Variants in CTNND2 observed in about 807,000 individuals in gnomAD.
CTNND2 encodes catenin delta-2.
CTNND2 carries 22 observed loss-of-function variants against 144.4 expected under a neutral mutation model. The observed-to-expected ratio is 0.15, with a 90% CI of 0.11 to 0.22. The LOEUF is 0.22. Among genes scored for constraint, CTNND2 ranks in the 10% least tolerant of loss-of-function variants. CTNND2 has a pLI of 1.00. For missense variants in CTNND2, 1,353 were observed against 1,618.8 expected (o/e 0.84, Z 2.82); for synonymous variants, 751 against 695.6 (o/e 1.08, Z -1.25).
chr5:11,305,047 G>A (rs190490868), intron 9 of CTNND2, among the ~76,000 whole-genome samples: 9 of 152,306 alleles, frequency 5.9e-5, no homozygotes, highest in African/African-American at 1.2e-4. Context: ...TGGTCACTGC[G>A]CTTGCATCTC....
intron 9 of CTNND2, among the ~76,000 whole-genome samples, chr5:11,330,739 C>A (rs1008791415): frequency 6.7e-6 from 1 of 148,446 alleles, no homozygotes. Flanking sequence ...GCCAAGATAG[C>A]ACCACTGAAC....
At chr5:11,887,959 A>AT (rs1177188136) in intron 1 of CTNND2, among the ~76,000 whole-genome samples, 16 of 152,202 alleles carry the variant, frequency 1.1e-4, no homozygotes, top group Non-Finnish European at 2.1e-4. Flanking sequence ...TATAAAGTAG[A>AT]TTTTTTTAAT....
intron 15 of CTNND2, among the ~76,000 whole-genome samples, chr5:11,096,106 T>C (rs1010282352): frequency 1.3e-5 from 2 of 152,120 alleles, no homozygotes. Flanking sequence ...TAATCTTTTA[T>C]TCTGTAATCT....
intron 2 of CTNND2, among the ~76,000 whole-genome samples, chr5:11,718,367 C>G (rs541023853): frequency 2.0e-5 from 3 of 152,178 alleles, no homozygotes; most frequent in African/African-American, 7.2e-5. Flanking sequence ...ACTTCATGTT[C>G]TACTGGTCAT....
intron 9 of CTNND2, among the ~76,000 whole-genome samples, chr5:11,298,994 T>C (rs1749296049): frequency 6.7e-6 from 1 of 150,276 alleles, no homozygotes; most frequent in South Asian, 2.1e-4. Flanking sequence ...GTCACCTTTT[T>C]ATTCCACTGT....
intron 12 of CTNND2, among the ~76,000 whole-genome samples, chr5:11,145,182 G>A (rs1025904349): frequency 1.1e-4 from 16 of 152,058 alleles, no homozygotes; most frequent in Non-Finnish European, 2.2e-4. Flanking sequence ...ATTTTTAAAC[G>A]TTCAGTAGGA....
At chr5:11,575,054 T>A (rs533317714) in intron 2 of CTNND2, among the ~76,000 whole-genome samples, 1 of 152,206 alleles carries the variant, frequency 6.6e-6, no homozygotes, top group Admixed American at 6.5e-5. Context: ...ATCTGTTCTA[T>A]ATATATGCAC....
intron 2 of CTNND2, among the ~76,000 whole-genome samples, chr5:11,651,334 G>A (rs1732525605): frequency 6.6e-6 from 1 of 152,214 alleles, no homozygotes; most frequent in Non-Finnish European, 1.5e-5. Flanking sequence ...AGGCTTTGGA[G>A]CCTCTGTATA....
At position 11,783,176 on chromosome 5, in the gene CTNND2, G is replaced by A. The variant is rs1422663955; in HGVS notation, c.38-50904C>T. Among the ~76,000 whole-genome samples the A allele has an allele frequency of 2.0e-5, 3 of 152,136 alleles. 1 individual carries two copies. The highest frequency in any genetic ancestry group is 4.1e-4 in the South Asian group (2 of 4,826). On this transcript the variant is annotated intron_variant, in intron 1 of 21. Coordinates refer to ENST00000304623, the MANE Select transcript of CTNND2 (RefSeq NM_001332.4). ...TCCCAGGCTCCCCAGTCACCCTAAG[G>A]AGAGATGAGCGAGGGAGCCAAGAGA...
intron 12 of CTNND2, among the ~76,000 whole-genome samples, chr5:11,130,473 G>A (rs748116955): frequency 1.3e-4 from 20 of 152,136 alleles, no homozygotes; most frequent in Admixed American, 6.6e-5. Flanking sequence ...ACTACCTAGG[G>A]TTTTAGCTAC....
chr5:11,340,020 G>C (rs997808785), intron 9 of CTNND2, among the ~76,000 whole-genome samples: 2 of 152,162 alleles, frequency 1.3e-5, no homozygotes, highest in African/African-American at 4.8e-5. Context: ...TGGGTGGGTG[G>C]ACAGGGCATT....
At chr5:11,902,132 C>T (rs2126353326) in intron 1 of CTNND2, among the ~76,000 whole-genome samples, 1 of 152,280 alleles carries the variant, frequency 6.6e-6, no homozygotes, top group African/African-American at 2.4e-5. Context: ...TCCCAAATTT[C>T]AACACTTAAC....
intron 2 of CTNND2, among the ~76,000 whole-genome samples, 155 bp downstream of exon 2, chr5:11,731,981 T>C (rs908692874): frequency 4.6e-5 from 7 of 152,302 alleles, no homozygotes; most frequent in East Asian, 3.9e-4. Context: ...AAAGGAATTA[T>C]AACCATATTA....
chr5:11,603,903 A>G (rs62338627), intron 2 of CTNND2, among the ~76,000 whole-genome samples: 57,886 of 152,008 alleles, frequency 0.38, 11,911 homozygotes, highest in Middle Eastern at 0.63. Context: ...TTCTTCCAAA[A>G]GCTCAATTTT....
intron 12 of CTNND2, among the ~76,000 whole-genome samples, chr5:11,123,813 G>C (rs1287292437): frequency 6.6e-6 from 1 of 151,132 alleles, no homozygotes; most frequent in Admixed American, 6.8e-5. Context: ...GAAAGGTAGA[G>C]TACTTCTTGA....
chr5:11,200,944 G>A (rs1487745695), intron 10 of CTNND2, among the ~76,000 whole-genome samples: 1 of 152,170 alleles, frequency 6.6e-6, no homozygotes, highest in African/African-American at 2.4e-5. Flanking sequence ...CTCCCAAAGT[G>A]TTGGGATTAC....
At chr5:11,292,492 G>A (rs569967037) in intron 9 of CTNND2, among the ~76,000 whole-genome samples, 30 of 152,218 alleles carry the variant, frequency 2.0e-4, no homozygotes, top group African/African-American at 7.0e-4. Context: ...GAGGTAATTG[G>A]ATCATGGGGG....
At chr5:10,993,326 C>T (rs1472682224) in intron 18 of CTNND2, among the ~76,000 whole-genome samples, 4 of 152,048 alleles carry the variant, frequency 2.6e-5, no homozygotes, top group African/African-American at 7.2e-5. Context: ...TTATAAAAAC[C>T]GCATAAATAT....
In CTNND2 at chr5:11,159,667, G is replaced by A. The variant is rs140646504; in HGVS notation, c.2068C>T (p.His690Tyr). ...AVLTNAVIIP[H>Y]SGWENSPLQD... ...AGAGGCGAATTTTCCCAGCCTGAGT[G>A]GGGGATAATCACCGCGTTGGTCAGT... is the stretch of plus-strand genomic sequence containing the variant. Residue 690 changes from histidine (H) to tyrosine (Y), a missense_variant, in exon 12 of 22, where the codon CAC (histidine) becomes TAC (tyrosine). His to Tyr is a moderately conservative substitution (Grantham distance 83). Coordinates refer to ENST00000304623, the MANE Select transcript of CTNND2 (RefSeq NM_001332.4). The A allele has an allele frequency of 4.3e-6, 7 of 1,613,478 alleles. No homozygotes were observed. Among genetic ancestry groups the A allele is most frequent in the Non-Finnish European group, 5.9e-6 (7 of 1,179,764 alleles).
Sources: allele counts gnomAD v4.1 joint callset (sites outside exome capture counted in the v4.1 genomes callset), GRCh38; gene constraint gnomAD v4.1.1; transcripts MANE v1.5; gene names NCBI Gene and HGNC (gene_info 2026-07-23, HGNC 2026-07-21).